PRPF39: variants seen among roughly 807,000 people sequenced by gnomAD.
PRPF39 encodes pre-mRNA-processing factor 39.
A neutral mutation model predicts 82.1 loss-of-function variants in PRPF39; 27 were observed. That is an observed-to-expected ratio of 0.33 (90% CI 0.24 to 0.45). PRPF39 has a LOEUF of 0.45. PRPF39 is among the 20% of genes least tolerant of loss of function. The pLI, the probability that PRPF39 is intolerant of heterozygous loss-of-function variation, is 1.00. For missense variants in PRPF39, 581 were observed against 796.9 expected (o/e 0.73, Z 3.26); for synonymous variants, 261 against 256.4 (o/e 1.02, Z -0.17).
intron 2 of PRPF39, 30 bp downstream of exon 2, chr14:45,095,593 G>T: frequency 1.3e-6 from 2 of 1,512,882 alleles, no homozygotes; most frequent in South Asian, 1.3e-5. Flanking sequence ...GTATCAGAAG[G>T]GACAAATTAA....
At position 45,109,790 on chromosome 14, in the gene PRPF39, T is replaced by C; in HGVS notation, c.1176+10T>C. The C allele has an allele frequency of 6.3e-7, 1 of 1,585,968 alleles. No homozygotes were observed. Among genetic ancestry groups the C allele is most frequent in the Non-Finnish European group, 8.6e-7 (1 of 1,166,008 alleles). ...GGAGTTTTGGATTAAGGTAAGAAAA[T>C]CATGTGCTCTTAAACTTGAATATAT... On this transcript the variant is annotated intron_variant, in intron 8 of 13. Transcript: ENST00000355765.
intron 3 of PRPF39, 67 bp downstream of exon 3, chr14:45,096,295 A>ATTTTTTTTTTTTTTTT: frequency 7.8e-7 from 1 of 1,288,702 alleles, no homozygotes. Flanking sequence ...CAAAACAAAG[A>ATTTTTTTTTTTTTTTT]TTTTTTTTTT....
intron 1 of PRPF39, among the ~76,000 whole-genome samples, chr14:45,094,786 C>T (rs752145897): frequency 2.6e-5 from 4 of 152,104 alleles, no homozygotes; most frequent in Non-Finnish European, 5.9e-5. Context: ...TACCCATGAC[C>T]AGAATTTTTG....
At chr14:45,098,325 T>A (rs1052730346) in intron 4 of PRPF39, among the ~76,000 whole-genome samples, 1 of 151,802 alleles carries the variant, frequency 6.6e-6, no homozygotes, top group South Asian at 2.1e-4. Context: ...TGCCTGTAGT[T>A]CTAGCTACTC....
chr14:45,110,462 C>A lies in PRPF39; in HGVS notation c.1304-87C>A. 1 of 1,365,962 alleles carries A rather than the reference C, an allele frequency of 7.3e-7. No individual in the cohort carries two copies. The highest frequency in any genetic ancestry group is 1.0e-6 in the Non-Finnish European group (1 of 1,003,314). The allele number at this position is 1,365,962 out of a possible 1,614,324, so 84.6% of individuals were successfully genotyped here. A position where few individuals can be genotyped will look rare whatever the true frequency, so the allele number is the denominator to read the frequency against. On this transcript the variant is annotated intron_variant, in intron 9 of 13. Transcript: ENST00000355765. The surrounding 1 kb of genome is among the most constrained non-coding windows in gnomAD (Gnocchi z 4.0). Reference sequence around the variant, plus strand: ...TCCCATTATTAGTTGCTGGATTTAGCCCATGGGTGATTGTTGCCAGTATCT... The same window carrying A: ...TCCCATTATTAGTTGCTGGATTTAGACCATGGGTGATTGTTGCCAGTATCT...
intron 1 of PRPF39, among the ~76,000 whole-genome samples, chr14:45,086,755 AT>A (rs975318465): frequency 1.3e-5 from 2 of 149,418 alleles, no homozygotes; most frequent in South Asian, 2.1e-4. Flanking sequence ...ACCCAATTTA[AT>A]TTTTTTTTCC....
Position 45,107,433 on chromosome 14 carries a change from TTTA to T in PRPF39, c.738-15_738-13del. Reference sequence around the variant, plus strand: ...AAATTATGATTCAAATACATATATTTTTATTGTCTTCCTTTAGATTTAAAGAAC... The same window carrying T: ...AAATTATGATTCAAATACATATATTTTTGTCTTCCTTTAGATTTAAAGAAC... On this transcript the variant is annotated splice_polypyrimidine_tract_variant and intron_variant, in intron 5 of 13. Coordinates refer to ENST00000355765, the MANE Select transcript of PRPF39 (RefSeq NM_017922.4). 6.8e-7 allele frequency: 1 copy of T among 1,470,746 alleles called. No individual in the cohort carries two copies. Among genetic ancestry groups the T allele is most frequent in the South Asian group, 1.2e-5 (1 of 81,012 alleles). The allele number at this position is 1,470,746 out of a possible 1,614,324, so 91.1% of individuals were successfully genotyped here. A position where few individuals can be genotyped will look rare whatever the true frequency, so the allele number is the denominator to read the frequency against.
At chr14:45,108,330 A>G (rs1884602140) in intron 6 of PRPF39, 85 bp from the exon 7 acceptor site, 6 of 1,369,330 alleles carry the variant, frequency 4.4e-6, no homozygotes. Flanking sequence ...AATATCTGTG[A>G]ATAATACTTA....
Position 45,102,543 on chromosome 14 carries a change from C to G in PRPF39, c.584C>G (p.Ala195Gly). The G allele has an allele frequency of 6.3e-7, 1 of 1,598,008 alleles. No homozygotes were observed. Among genetic ancestry groups the G allele is most frequent in the Non-Finnish European group, 8.5e-7 (1 of 1,174,964 alleles). ...TAATTTTTCAGAACTTTTGAGCATG[C>G]TGTTCTAGCTGCAGGAACAGATTTC... ...NNTIRGTFEH[A>G]VLAAGTDFRS... The change falls in exon 5 of 14, where the codon GCT (alanine) becomes GGT (glycine). Residue 195 changes from alanine (A) to glycine (G), a missense_variant. Transcript: ENST00000355765.
At position 45,116,231 on chromosome 14, in the gene PRPF39, G is replaced by A. The variant is rs1461840973; in HGVS notation, c.*1318G>A. ...TATCCACTAATTCCACTTCAAAAGTGAGTTTTGCATTTGGTGGAATTCTGT... is the reference window on the plus strand; with the variant it reads ...TATCCACTAATTCCACTTCAAAAGTAAGTTTTGCATTTGGTGGAATTCTGT... On this transcript the variant is annotated 3_prime_UTR_variant, in exon 14 of 14. Coordinates refer to ENST00000355765, the MANE Select transcript of PRPF39 (RefSeq NM_017922.4). 1.2e-6 allele frequency: 2 copies of A among 1,613,004 alleles called. No individual in the cohort carries two copies. The highest frequency in any genetic ancestry group is 1.3e-5 in the African/African-American group (1 of 74,956).
intron 1 of PRPF39, chr14:45,088,426 G>A (rs932890380): frequency 7.8e-5 from 12 of 153,388 alleles, no homozygotes; most frequent in African/African-American, 2.9e-4. Flanking sequence ...TCAGGTAGAA[G>A]AAACTGCATG....
intron 4 of PRPF39, among the ~76,000 whole-genome samples, chr14:45,099,010 G>T (rs765525250): frequency 9.2e-5 from 14 of 152,134 alleles, no homozygotes; most frequent in Non-Finnish European, 1.6e-4. Flanking sequence ...TTCCTTTATA[G>T]CTTCTGCTAT....
intron 5 of PRPF39, among the ~76,000 whole-genome samples, chr14:45,106,858 C>CA (rs1359550012): frequency 6.6e-6 from 1 of 152,084 alleles, no homozygotes; most frequent in African/African-American, 2.4e-5. Flanking sequence ...GACCATACTA[C>CA]AAAACAAGTG....
At chr14:45,085,227 T>C (rs1448098077) in intron 1 of PRPF39, among the ~76,000 whole-genome samples, 2 of 152,124 alleles carry the variant, frequency 1.3e-5, no homozygotes, top group African/African-American at 4.8e-5. Flanking sequence ...ATAACCTCAT[T>C]CTAGAGTTGC....
intron 1 of PRPF39, among the ~76,000 whole-genome samples, chr14:45,092,162 G>A (rs956245143): frequency 1.1e-4 from 17 of 152,148 alleles, no homozygotes; most frequent in African/African-American, 3.4e-4. Flanking sequence ...TTTCAGTTTT[G>A]TGGTCACTTA....
At position 45,095,575 on chromosome 14, in the gene PRPF39, T is replaced by C. The variant is rs765351039; in HGVS notation, c.324+12T>C. 1.3e-6 allele frequency: 2 copies of C among 1,565,816 alleles called. No homozygotes were observed. Among genetic ancestry groups the C allele is most frequent in the Non-Finnish European group, 1.7e-6 (2 of 1,155,298 alleles). ...ATGTAGAACAGGAGGTTAGTAACTATTAAAATGGTATCAGAAGGGACAAAT... is the reference window on the plus strand; with the variant it reads ...ATGTAGAACAGGAGGTTAGTAACTACTAAAATGGTATCAGAAGGGACAAAT... On this transcript the variant is annotated intron_variant, in intron 2 of 13. Transcript: ENST00000355765.
chr14:45,098,942 G>T (rs182914190), intron 4 of PRPF39, among the ~76,000 whole-genome samples: 1 of 152,290 alleles, frequency 6.6e-6, no homozygotes, highest in African/African-American at 2.4e-5. Flanking sequence ...GGTTTGGTAA[G>T]CTGTAGAATT....
chr14:45,094,297 G>A (rs894867869), intron 1 of PRPF39, among the ~76,000 whole-genome samples: 1 of 152,032 alleles, frequency 6.6e-6, no homozygotes, highest in Non-Finnish European at 1.5e-5. Context: ...AATATAATGT[G>A]GTATTACCTT....
chr14:45,094,401 C>T (rs960988227), intron 1 of PRPF39, among the ~76,000 whole-genome samples: 11 of 152,034 alleles, frequency 7.2e-5, no homozygotes, highest in Non-Finnish European at 7.4e-5. Context: ...GTAAGCCTTT[C>T]TCAAATATGT....
Sources: gnomAD v4.1 joint callset for allele counts (sites outside exome capture counted in the v4.1 genomes callset) on GRCh38, gnomAD v4.1.1 for gene constraint, Gnocchi (gnomAD v3.1) non-coding constraint, MANE v1.5 for transcripts, NCBI Gene and HGNC (gene_info 2026-07-23, HGNC 2026-07-21) for gene names.